PCDHGA3: variants seen among roughly 807,000 people sequenced by gnomAD.
PCDHGA3 encodes protocadherin gamma-A3.
A neutral mutation model predicts 58.5 loss-of-function variants in PCDHGA3; 40 were observed. That is an observed-to-expected ratio of 0.68 (90% confidence interval 0.53 to 0.89). The LOEUF (loss-of-function observed/expected upper bound fraction) is 0.89. PCDHGA3 is among the 40% of genes least tolerant of loss of function. The probability of loss-of-function intolerance (pLI) is 0.00; values close to 1 mark genes in which losing one functional copy is unlikely to be tolerated. For synonymous variants in PCDHGA3, 530 were observed against 525.7 expected (o/e 1.01, Z -0.11); for missense variants, 1,223 against 1,195.9 (o/e 1.02, Z -0.33).
intron 1 of PCDHGA3, among the ~76,000 whole-genome samples, chr5:141,373,236 T>A (rs1331345461): frequency 2.6e-5 from 4 of 152,248 alleles, no homozygotes; most frequent in African/African-American, 9.6e-5. Context: ...ATAATATTTT[T>A]ACTTCCCTTT....
At chr5:141,361,030 G>A in intron 1 of PCDHGA3, 1 of 1,613,328 alleles carries the variant, frequency 6.2e-7, no homozygotes, top group Non-Finnish European at 8.5e-7. Context: ...TGAAAAAACA[G>A]GAGAAATCAC....
At chr5:141,374,266 G>A (rs763355904) in intron 1 of PCDHGA3, 5 of 1,614,016 alleles carry the variant, frequency 3.1e-6, no homozygotes, top group Middle Eastern at 1.7e-4. Context: ...AGTTGGCGGA[G>A]CACGGAGTCC....
rs3763123 is a variant in PCDHGA3 at position 141,385,542 on chromosome 5, A to C, written c.2424+39085A>C. On this transcript the variant is annotated intron_variant, in intron 1 of 3. Coordinates refer to ENST00000253812, the MANE Select transcript of PCDHGA3 (RefSeq NM_018916.4). Reference sequence around the variant, plus strand: ...TATGGACAAGATTATGAATATGTGGACTATCACATTTTATAATTTCCACCT... The same window carrying C: ...TATGGACAAGATTATGAATATGTGGCCTATCACATTTTATAATTTCCACCT... 2.0e-3 allele frequency: 2,591 copies of C among 1,327,546 alleles called. 44 individuals carry two copies. The African/African-American group carries it at 0.033, about 17-fold the overall frequency. The allele number at this position is 1,327,546 out of a possible 1,614,324, so 82.2% of individuals were successfully genotyped here. A position where few individuals can be genotyped will look rare whatever the true frequency, so the allele number is the denominator to read the frequency against.
At chr5:141,496,886 C>T (rs1562175671) in intron 2 of PCDHGA3, among the ~76,000 whole-genome samples, 1 of 135,246 alleles carries the variant, frequency 7.4e-6, no homozygotes, top group African/African-American at 2.9e-5. Context: ...ACAAGTAACA[C>T]TTAAAAAAAA....
intron 1 of PCDHGA3, chr5:141,387,595 A>C (rs191053839): frequency 6.0e-5 from 32 of 532,776 alleles, no homozygotes; most frequent in Admixed American, 2.6e-4. Flanking sequence ...AACTTGAAGC[A>C]GCAGAGGCTG....
At chr5:141,388,487 C>T in intron 1 of PCDHGA3, 1 of 1,613,776 alleles carries the variant, frequency 6.2e-7, no homozygotes, top group Non-Finnish European at 8.5e-7. Flanking sequence ...CACCTTTGGA[C>T]AGAGAAAAGC....
Position 141,476,468 on chromosome 5 carries a change from C to T in PCDHGA3, c.2425-18339C>T. 6.2e-7 allele frequency: 1 copy of T among 1,614,132 alleles called. No homozygotes were observed. Among genetic ancestry groups the T allele is most frequent in the Non-Finnish European group, 8.5e-7 (1 of 1,180,022 alleles). On this transcript the variant is annotated intron_variant, in intron 1 of 3. Coordinates refer to ENST00000253812, the MANE Select transcript of PCDHGA3 (RefSeq NM_018916.4). The surrounding 1 kb of genome is among the most constrained non-coding windows in gnomAD (Gnocchi z 7.6). ...GTTGGTAGTGGAGAACCCGCTGGAG[C>T]TGTTCAGCGTGGAAGTGGTGATCCA...
chr5:141,389,996 C>T, intron 1 of PCDHGA3: 1 of 1,614,022 alleles, frequency 6.2e-7, no homozygotes, highest in Non-Finnish European at 8.5e-7. Context: ...TCCTCGTGGC[C>T]ATGATTCTGG....
rs764538527 is a variant in PCDHGA3 at position 141,361,272 on chromosome 5, T to A, written c.2424+14815T>A. 6 of 1,613,890 alleles carry A rather than the reference T, an allele frequency of 3.7e-6. No individual in the cohort carries two copies. In the South Asian group the frequency reaches 6.6e-5, roughly 18 times the overall value. On this transcript the variant is annotated intron_variant, in intron 1 of 3. Transcript: ENST00000253812. ...CGAGAGACAGAGACTCTGGAGAAAA[T>A]GGAGAAGTTTACTGCCAAGTGTTGG...
intron 1 of PCDHGA3, chr5:141,372,083 G>A (rs1381793721): frequency 1.2e-6 from 2 of 1,613,756 alleles, no homozygotes; most frequent in Non-Finnish European, 8.5e-7. Context: ...CGCTGGTGCT[G>A]TACCCAGCTC....
intron 1 of PCDHGA3, among the ~76,000 whole-genome samples, chr5:141,368,118 A>C (rs896059920): frequency 6.6e-6 from 1 of 152,226 alleles, no homozygotes; most frequent in Non-Finnish European, 1.5e-5. Context: ...TCTTATTAAA[A>C]TATTCTTAAT....
rs1289898516 is a variant in PCDHGA3 at position 141,487,019 on chromosome 5, C to G, written c.2425-7788C>G. ...CTATCAGCTCCTGGAGGCCCCAGAT[C>G]CCAGCCTGTTTGCAGTCTCTCGATA... On this transcript the variant is annotated intron_variant, in intron 1 of 3. Transcript: ENST00000253812. The surrounding 1 kb of genome is among the most constrained non-coding windows in gnomAD (Gnocchi z 5.0). 1 of 1,614,204 alleles carries G rather than the reference C, an allele frequency of 6.2e-7. No homozygotes were observed. The highest frequency in any genetic ancestry group is 8.5e-7 in the Non-Finnish European group (1 of 1,180,042).
Position 141,485,190 on chromosome 5 carries a change from G to C in PCDHGA3, c.2425-9617G>C. 6.2e-7 allele frequency: 1 copy of C among 1,613,920 alleles called. No individual in the cohort carries two copies. Among genetic ancestry groups the C allele is most frequent in the Non-Finnish European group, 8.5e-7 (1 of 1,179,788 alleles). Reference sequence around the variant, plus strand: ...GCGGCAGCAATGCTCCGCAAGGTGAGAAGCTGGACAGAAATCTGGCGGTGG... The same window carrying C: ...GCGGCAGCAATGCTCCGCAAGGTGACAAGCTGGACAGAAATCTGGCGGTGG... On this transcript the variant is annotated intron_variant, in intron 1 of 3. Coordinates refer to ENST00000253812, the MANE Select transcript of PCDHGA3 (RefSeq NM_018916.4). This position sits in a 1 kb window ranked among gnomAD's most constrained non-coding sequence, Gnocchi z 5.7.
intron 1 of PCDHGA3, chr5:141,484,931 A>T: frequency 4.0e-6 from 2 of 498,120 alleles, no homozygotes; most frequent in South Asian, 5.3e-5. Context: ...TGCTGTTGGG[A>T]CGTTCTCTGC....
chr5:141,454,880 T>C (rs1561957456), intron 1 of PCDHGA3, among the ~76,000 whole-genome samples: 1 of 137,862 alleles, frequency 7.3e-6, no homozygotes, highest in Non-Finnish European at 1.5e-5. Flanking sequence ...CGATCTTGGC[T>C]CACTGCTAGC....
At chr5:141,500,326 A>T (rs1041431019) in intron 2 of PCDHGA3, among the ~76,000 whole-genome samples, 7 of 152,022 alleles carry the variant, frequency 4.6e-5, no homozygotes, top group Non-Finnish European at 1.0e-4. Context: ...CTCCTGCCTC[A>T]GCCTCCAGAA....
chr5:141,413,135 T>TGTCC (rs767378713), intron 1 of PCDHGA3: 1 of 1,545,632 alleles, frequency 6.5e-7, no homozygotes, highest in Non-Finnish European at 8.7e-7. Context: ...ACACACAACG[T>TGTCC]GTCCAGTGAG....
intron 1 of PCDHGA3, among the ~76,000 whole-genome samples, chr5:141,363,558 AAT>A (rs1421241978): frequency 8.5e-5 from 13 of 152,396 alleles, no homozygotes; most frequent in Non-Finnish European, 1.9e-4. Flanking sequence ...TGAACATGGT[AAT>A]AGAAAAACAT....
At chr5:141,378,078 T>A (rs1215089288) in intron 1 of PCDHGA3, 2 of 152,178 alleles carry the variant, frequency 1.3e-5, no homozygotes, top group African/African-American at 4.8e-5. Context: ...GAAAATAATT[T>A]TATAACTTTT....
Sources: gnomAD v4.1 joint callset for allele counts (sites outside exome capture counted in the v4.1 genomes callset) on GRCh38, gnomAD v4.1.1 for gene constraint, Gnocchi (gnomAD v3.1) non-coding constraint, MANE v1.5 for transcripts, NCBI Gene and HGNC (gene_info 2026-07-23, HGNC 2026-07-21) for gene names.